MYH14: variants seen among roughly 807,000 people sequenced by gnomAD.
The protein encoded by MYH14 is myosin heavy chain 14.
In MYH14, 123 loss-of-function variants were observed where a neutral mutation model predicts 255.5. The ratio of observed to expected loss-of-function variants is 0.48; its 90% CI spans 0.42 to 0.56. MYH14 has a LOEUF of 0.56. Ranked by LOEUF, MYH14 falls within the 20% of genes least tolerant of loss-of-function variation. MYH14 has a pLI of 0.00. For missense variants in MYH14, 2,423 were observed against 2,802.3 expected, an observed-to-expected ratio of 0.86 and a Z score of 3.06; for synonymous variants, 1,095 against 1,161.2, an observed-to-expected ratio of 0.94 and a Z score of 1.16.
intron 2 of MYH14, among the ~76,000 whole-genome samples, chr19:50,216,159 C>T (rs1284637717): frequency 6.6e-6 from 1 of 152,182 alleles, no homozygotes; most frequent in Non-Finnish European, 1.5e-5. Context: ...CCCTTGTGAG[C>T]TGGATTTGTT....
chr19:50,245,831 G>C (rs538598483), intron 11 of MYH14, among the ~76,000 whole-genome samples: 2 of 152,334 alleles, frequency 1.3e-5, no homozygotes, highest in South Asian at 2.1e-4. Context: ...TACAAAACTG[G>C]AGTCAGACCC....
At chr19:50,205,770 G>C (rs904260942) in intron 1 of MYH14, among the ~76,000 whole-genome samples, 1 of 152,192 alleles carries the variant, frequency 6.6e-6, no homozygotes, top group Non-Finnish European at 1.5e-5. Flanking sequence ...CTTAGGGGAG[G>C]AGGGGGCTGC....
At chr19:50,209,142 A>G (rs181016372) in intron 1 of MYH14, among the ~76,000 whole-genome samples, 197 of 152,292 alleles carry the variant, frequency 1.3e-3, no homozygotes, top group Admixed American at 3.3e-3. Flanking sequence ...TGAGCAACGG[A>G]GTGAAACCTC....
In MYH14 at chr19:50,257,574, C is replaced by G. The variant is rs78548474; in HGVS notation, c.2232+88C>G. Reference sequence around the variant, plus strand: ...GACTTGGCTGGAGCCACATCTGATTCGAGGACCCTCAAATTAGCTGTGTGG... The same window carrying G: ...GACTTGGCTGGAGCCACATCTGATTGGAGGACCCTCAAATTAGCTGTGTGG... On this transcript the variant is annotated intron_variant, in intron 18 of 42. Coordinates refer to ENST00000642316, the MANE Select transcript of MYH14 (RefSeq NM_001145809.2). 75 of 1,287,032 alleles carry G rather than the reference C, an allele frequency of 5.8e-5. 1 individual carries two copies. The highest frequency in any genetic ancestry group is 7.7e-5 in the Non-Finnish European group (70 of 907,778). The allele number at this position is 1,287,032 out of a possible 1,614,324, so 79.7% of individuals were successfully genotyped here.
At position 50,267,836 on chromosome 19, in the gene MYH14, G is replaced by A. The variant is rs936707792; in HGVS notation, c.2827-325G>A. 7.3e-4 allele frequency among the ~76,000 whole-genome samples: 111 copies of A among 152,156 alleles called. 1 individual carries two copies. Among genetic ancestry groups the A allele is most frequent in the African/African-American group, 2.7e-3 (110 of 41,500 alleles). The stretch of plus-strand genomic sequence containing the variant: ...GGGAGGCTGGGGAGGAGGCTGGAGA[G>A]AGACAGGTGAGAGAAGGAAAGACCT... On this transcript the variant is annotated intron_variant, in intron 23 of 42. Coordinates refer to ENST00000642316, the MANE Select transcript of MYH14 (RefSeq NM_001145809.2).
At position 50,261,562 on chromosome 19, in the gene MYH14, G is replaced by A; in HGVS notation, c.2512G>A (p.Glu838Lys). The A allele has an allele frequency of 6.2e-7, 1 of 1,601,798 alleles. No homozygotes were observed. Among genetic ancestry groups the A allele is most frequent in the Non-Finnish European group, 8.5e-7 (1 of 1,176,020 alleles). ...FRAGVLAQLE[E>K]ERDLKVTDII... ...GGCTGGGGTCCTGGCCCAGCTGGAA[G>A]AGGAGCGAGACCTGAAGGTCACCGA... Residue 838 changes from glutamate to lysine, a missense_variant, in exon 21 of 43, where the codon GAG becomes AAG. Physicochemically the swap from Glu to Lys is moderately conservative, Grantham distance 56. This residue lies in a region of MYH14 where 1,513 missense variants were observed against 1,674.8 expected (regional missense o/e 0.90). Transcript: ENST00000642316.
chr19:50,247,545 A>T (rs1473602586), intron 12 of MYH14, among the ~76,000 whole-genome samples: 1 of 151,974 alleles, frequency 6.6e-6, no homozygotes, highest in East Asian at 1.9e-4. Context: ...AAAAAACAGG[A>T]TGTAAATGCA....
rs1378158401 is a variant in MYH14 at position 50,210,751 on chromosome 19, AC to A, written c.387del (p.Tyr130ThrfsTer48). The A allele has an allele frequency of 6.3e-7, 1 of 1,578,886 alleles. No individual in the cohort carries two copies. Among genetic ancestry groups the A allele is most frequent in the Admixed American group, 1.8e-5 (1 of 54,838 alleles). ...GTCCTGCACAACCTCCGGGAGCGGT[AC>A]TACTCCGGCCTCATCTACGTGAGTG... is the stretch of plus-strand genomic sequence containing the variant. ...ASVLHNLRER[Y>X]YSGLIYTYSG... On this transcript the variant is annotated frameshift_variant, in exon 2 of 43. Transcript: ENST00000642316. LOFTEE classifies it high-confidence loss of function.
chr19:50,300,628 A>G (rs1202908904), intron 39 of MYH14, among the ~76,000 whole-genome samples: 1 of 149,638 alleles, frequency 6.7e-6, no homozygotes, highest in East Asian at 2.0e-4. Context: ...AGGCACCTGT[A>G]ATTCCAGCTA....
At chr19:50,242,509 C>T (rs1186677526) in intron 10 of MYH14, among the ~76,000 whole-genome samples, 4 of 152,082 alleles carry the variant, frequency 2.6e-5, no homozygotes, top group South Asian at 2.1e-4. Context: ...TTCACTACCA[C>T]GAGAACAGTA....
chr19:50,233,165 AC>A (rs34099620), intron 10 of MYH14, among the ~76,000 whole-genome samples: 2,018 of 148,178 alleles, frequency 0.014, 24 homozygotes, highest in Non-Finnish European at 0.022. Context: ...TGCTGTGCCC[AC>A]CCCCACTTTT....
intron 37 of MYH14, among the ~76,000 whole-genome samples, chr19:50,292,685 C>T (rs114588896): frequency 0.014 from 2,147 of 151,952 alleles, 59 homozygotes; most frequent in South Asian, 0.071. Context: ...CACTAGGGAG[C>T]CATGGAAAGA....
At position 50,276,823 on chromosome 19, in the gene MYH14, G is replaced by A; in HGVS notation, c.3747G>A (p.Glu1249=). ...KTLEEETRIH[E]AAVQELRQRH... ...TGGAGGAGGAGACTCGCATCCACGA[G>A]GCGGCAGTGCAGGAGCTGAGGCAGC... Residue 1249 remains glutamate (E), a synonymous_variant, in exon 29 of 43, where the codon GAG becomes GAA. Coordinates refer to ENST00000642316, the MANE Select transcript of MYH14 (RefSeq NM_001145809.2). The surrounding 1 kb of genome is among the most constrained non-coding windows in gnomAD (Gnocchi z 4.3). The A allele has an allele frequency of 6.2e-7, 1 of 1,613,132 alleles. No homozygotes were observed. The highest frequency in any genetic ancestry group is 8.5e-7 in the Non-Finnish European group (1 of 1,179,890).
chr19:50,281,980 T>C (rs1369926694), intron 33 of MYH14, 138 bp downstream of exon 33: 3 of 893,622 alleles, frequency 3.4e-6, no homozygotes, highest in Non-Finnish European at 5.1e-6. Flanking sequence ...AGACCCTTCT[T>C]TGCTCTGGGC....
intron 18 of MYH14, chr19:50,258,339 T>C (rs1221291667): frequency 6.6e-6 from 1 of 152,228 alleles, no homozygotes; most frequent in Admixed American, 6.5e-5. Context: ...TACCAGTCTT[T>C]TTCCTTTCTT....
intron 8 of MYH14, among the ~76,000 whole-genome samples, chr19:50,227,378 A>C (rs1292878891): frequency 6.6e-6 from 1 of 152,090 alleles, no homozygotes; most frequent in African/African-American, 2.4e-5. Flanking sequence ...ACACTTATGA[A>C]ATGCTGTCCC....
At chr19:50,303,537 A>G (rs1399705577) in intron 40 of MYH14, among the ~76,000 whole-genome samples, 1 of 152,230 alleles carries the variant, frequency 6.6e-6, no homozygotes, top group African/African-American at 2.4e-5. Context: ...GGAATGGGGA[A>G]ATAGATATGA....
intron 34 of MYH14, 96 bp downstream of exon 34, chr19:50,286,790 C>T: frequency 2.5e-6 from 3 of 1,183,684 alleles, no homozygotes; most frequent in Non-Finnish European, 3.6e-6. Context: ...AACAACCAGC[C>T]ATCAAAGTCA....
intron 10 of MYH14, among the ~76,000 whole-genome samples, chr19:50,240,368 G>A (rs916839739): frequency 1.1e-4 from 16 of 151,590 alleles, no homozygotes; most frequent in Non-Finnish European, 1.5e-4. Flanking sequence ...CGCTTGAGCC[G>A]GGGAATTTGA....
Sources: gnomAD v4.1 joint callset for allele counts (sites outside exome capture counted in the v4.1 genomes callset) on GRCh38, gnomAD v4.1.1 for gene constraint, gnomAD v4.1.1 regional missense constraint, Gnocchi (gnomAD v3.1) non-coding constraint, MANE v1.5 for transcripts, NCBI Gene and HGNC (gene_info 2026-07-23, HGNC 2026-07-21) for gene names.